Variants in GRM8 observed in about 807,000 individuals in gnomAD.
GRM8 encodes the protein glutamate metabotropic receptor 8, also known as metabotropic glutamate receptor 8.
In GRM8, 47 loss-of-function variants were observed where a neutral mutation model predicts 87.2. That is an observed-to-expected ratio of 0.54 (90% confidence interval 0.43 to 0.69). The LOEUF (loss-of-function observed/expected upper bound fraction) is 0.69, where lower values mean the gene tolerates loss of function less well. Among genes scored for constraint, GRM8 ranks in the 30% least tolerant of loss-of-function variants. The pLI, the probability that GRM8 is intolerant of heterozygous loss-of-function variation, is 0.00. For missense variants in GRM8, 1,019 were observed against 1,139.2 expected, an observed-to-expected ratio of 0.89 and a Z score of 1.52; for synonymous variants, 396 against 404.5, an observed-to-expected ratio of 0.98 and a Z score of 0.25.
rs1014332537 is a variant in GRM8, at chr7:126,840,496, G to GT, written c.1156+62045dup. On this transcript the variant is annotated intron_variant, in intron 6 of 10. Transcript: ENST00000339582. ...GAATTTATTGCTACTTTCAAGCATA[G>GT]TTTTTTTCTCATTCATTATATTGTT... Among the ~76,000 whole-genome samples, 26 of 152,086 alleles carry GT rather than the reference G, an allele frequency of 1.7e-4. No homozygotes were observed. The South Asian group carries it at 5.2e-3, about 30-fold the overall frequency.
At chr7:126,949,199 G>A (rs1172656135) in intron 3 of GRM8, among the ~76,000 whole-genome samples, 1 of 152,084 alleles carries the variant, frequency 6.6e-6, no homozygotes, top group African/African-American at 2.4e-5. Flanking sequence ...ATGCAGTCAA[G>A]CACCTTGCCT....
At chr7:126,594,340 T>G in intron 8 of GRM8, among the ~76,000 whole-genome samples, 1 of 152,052 alleles carries the variant, frequency 6.6e-6, no homozygotes, top group East Asian at 1.9e-4. Flanking sequence ...TCAACCTAAG[T>G]GTCCATCAGT....
chr7:127,182,620 TAAAG>T (rs1393097496), intron 2 of GRM8, among the ~76,000 whole-genome samples: 1 of 148,536 alleles, frequency 6.7e-6, no homozygotes, highest in East Asian at 2.0e-4. Flanking sequence ...AATGAGTAGA[TAAAG>T]AAAGTGTGGT....
intron 6 of GRM8, among the ~76,000 whole-genome samples, chr7:126,882,563 A>G (rs1800121235): frequency 6.6e-6 from 1 of 152,230 alleles, no homozygotes; most frequent in Non-Finnish European, 1.5e-5. Flanking sequence ...AAAAGCTAAG[A>G]GGAGAACATT....
intron 6 of GRM8, among the ~76,000 whole-genome samples, chr7:126,835,812 G>A (rs542555270): frequency 6.6e-6 from 1 of 152,142 alleles, no homozygotes; most frequent in Non-Finnish European, 1.5e-5. Flanking sequence ...GGACAGAAGT[G>A]TAGGTTGTTT....
chr7:127,185,582 C>T (rs1794689970), intron 2 of GRM8, among the ~76,000 whole-genome samples: 1 of 151,954 alleles, frequency 6.6e-6, no homozygotes, highest in Admixed American at 6.6e-5. Flanking sequence ...GATACAACAC[C>T]AAAGCATAAT....
intron 2 of GRM8, among the ~76,000 whole-genome samples, chr7:127,223,574 T>G (rs1797105879): frequency 6.6e-6 from 1 of 151,798 alleles, no homozygotes; most frequent in Non-Finnish European, 1.5e-5. Context: ...CAGGATAGTT[T>G]CTGAGAGGCT....
At chr7:127,160,854 C>T (rs1004726692) in intron 2 of GRM8, among the ~76,000 whole-genome samples, 1 of 147,714 alleles carries the variant, frequency 6.8e-6, no homozygotes, top group Admixed American at 7.0e-5. Flanking sequence ...AGACTAACTC[C>T]TGCACCCACC....
chr7:126,616,118 C>G (rs1316922128), intron 7 of GRM8, among the ~76,000 whole-genome samples: 6 of 151,988 alleles, frequency 3.9e-5, no homozygotes, highest in African/African-American at 1.4e-4. Context: ...TGACCACATA[C>G]TTGGAAGTAA....
intron 3 of GRM8, among the ~76,000 whole-genome samples, chr7:126,924,304 T>C (rs889463274): frequency 2.0e-5 from 3 of 152,214 alleles, no homozygotes; most frequent in Non-Finnish European, 4.4e-5. Context: ...TAATAAATAT[T>C]CATTTTAAAT....
intron 6 of GRM8, among the ~76,000 whole-genome samples, chr7:126,863,478 A>T (rs1798312937): frequency 6.6e-6 from 1 of 152,208 alleles, no homozygotes; most frequent in Admixed American, 6.5e-5. Flanking sequence ...CGAATGAAGC[A>T]TCTGAGCCAT....
At chr7:126,950,247 A>G (rs1807986745) in intron 3 of GRM8, among the ~76,000 whole-genome samples, 1 of 152,206 alleles carries the variant, frequency 6.6e-6, no homozygotes, top group Non-Finnish European at 1.5e-5. Context: ...AAATAGCCAA[A>G]TGATCTGATA....
At chr7:126,500,662 T>C (rs1402912587) in intron 9 of GRM8, among the ~76,000 whole-genome samples, 2 of 152,038 alleles carry the variant, frequency 1.3e-5, no homozygotes, top group Non-Finnish European at 2.9e-5. Context: ...AAGTTTAATA[T>C]GTAAAAAATA....
chr7:127,182,416 C>T (rs1050297139), intron 2 of GRM8, among the ~76,000 whole-genome samples: 10 of 152,070 alleles, frequency 6.6e-5, no homozygotes, highest in Middle Eastern at 3.4e-3. Flanking sequence ...TTAGTATAGC[C>T]GCCATGGAAA....
At chr7:127,113,960 G>A (rs1020371381) in intron 2 of GRM8, among the ~76,000 whole-genome samples, 20 of 152,072 alleles carry the variant, frequency 1.3e-4, no homozygotes, top group Non-Finnish European at 2.9e-4. Context: ...GAGCTTTCAT[G>A]CTCCTCCCAC....
At chr7:126,859,564 G>C (rs190214945) in intron 6 of GRM8, among the ~76,000 whole-genome samples, 1 of 152,340 alleles carries the variant, frequency 6.6e-6, no homozygotes, top group East Asian at 1.9e-4. Context: ...GTTTTATAAA[G>C]GATGTACCAT....
At chr7:126,713,731 C>T (rs1811388277) in intron 7 of GRM8, among the ~76,000 whole-genome samples, 1 of 151,140 alleles carries the variant, frequency 6.6e-6, no homozygotes, top group South Asian at 2.1e-4. Flanking sequence ...AGGTGTTAGT[C>T]AAAGGATATA....
chr7:126,978,215 C>T (rs1003480395), intron 3 of GRM8, among the ~76,000 whole-genome samples: 1 of 151,476 alleles, frequency 6.6e-6, no homozygotes, highest in African/African-American at 2.4e-5. Flanking sequence ...GAGGAAAAGA[C>T]AGGAGAGGAG....
At chr7:127,064,944 G>C (rs1452192803) in intron 3 of GRM8, among the ~76,000 whole-genome samples, 1 of 152,176 alleles carries the variant, frequency 6.6e-6, no homozygotes, top group African/African-American at 2.4e-5. Context: ...AACCATTGTG[G>C]GAAGCAGTAT....
Sources: allele counts gnomAD v4.1 joint callset (sites outside exome capture counted in the v4.1 genomes callset), GRCh38; gene constraint gnomAD v4.1.1; transcripts MANE v1.5; gene names NCBI Gene and HGNC (gene_info 2026-07-23, HGNC 2026-07-21).